The following GLT1D1 variants were observed in gnomAD, a reference collection of about 807,000 sequenced individuals.
GLT1D1 encodes the protein glycosyltransferase 1 domain-containing protein 1.
A neutral mutation model predicts 28.7 loss-of-function variants in GLT1D1; 21 were observed. That is an observed-to-expected ratio of 0.73 (90% confidence interval 0.52 to 1.05). GLT1D1 has a LOEUF of 1.05. Ranked by LOEUF, GLT1D1 falls within the 50% of genes least tolerant of loss-of-function variation. The pLI, the probability that GLT1D1 is intolerant of heterozygous loss-of-function variation, is 0.00. For synonymous variants in GLT1D1, 147 were observed against 124.8 expected, an observed-to-expected ratio of 1.18 and a Z score of -1.19; for missense variants, 343 against 330.6, an observed-to-expected ratio of 1.04 and a Z score of -0.29.
intron 2 of GLT1D1, among the ~76,000 whole-genome samples, chr12:128,878,660 T>G (rs1197787163): frequency 1.4e-4 from 21 of 152,006 alleles, no homozygotes; most frequent in Admixed American, 1.4e-3. Context: ...CAGGCTGGAG[T>G]GCAGTGATAC....
At chr12:128,918,000 C>G (rs1216749793) in intron 4 of GLT1D1, among the ~76,000 whole-genome samples, 1 of 152,178 alleles carries the variant, frequency 6.6e-6, no homozygotes, top group Admixed American at 6.6e-5. Context: ...TATAAAGATA[C>G]ATGCACGTGT....
At chr12:128,941,472 C>A (rs1393998248) in intron 4 of GLT1D1, among the ~76,000 whole-genome samples, 1 of 151,990 alleles carries the variant, frequency 6.6e-6, no homozygotes, top group African/African-American at 2.4e-5. Context: ...CTGAAGGGTT[C>A]TCACTCACCA....
intron 3 of GLT1D1, among the ~76,000 whole-genome samples, chr12:128,890,110 A>G (rs1868867314): frequency 6.6e-6 from 1 of 152,206 alleles, no homozygotes; most frequent in African/African-American, 2.4e-5. Context: ...AAGAAATTCC[A>G]GGCAACTTCA....
At chr12:128,950,032 A>G (rs7131851) in intron 6 of GLT1D1, among the ~76,000 whole-genome samples, 75,461 of 151,816 alleles carry the variant, frequency 0.5, 19,338 homozygotes, top group Non-Finnish European at 0.56. Flanking sequence ...GTGTCACTTT[A>G]ACCTTGACTA....
intron 4 of GLT1D1, among the ~76,000 whole-genome samples, chr12:128,911,085 A>G (rs1252040792): frequency 6.6e-6 from 1 of 152,198 alleles, no homozygotes; most frequent in Non-Finnish European, 1.5e-5. Flanking sequence ...GCATGCCGCC[A>G]CACCCGGCTA....
At chr12:128,972,208 A>G (rs576649697) in intron 7 of GLT1D1, among the ~76,000 whole-genome samples, 4 of 152,272 alleles carry the variant, frequency 2.6e-5, no homozygotes, top group African/African-American at 9.6e-5. Flanking sequence ...ATTGGGAGAC[A>G]TTATTTCTCG....
At position 128,914,913 on chromosome 12, in the gene GLT1D1, T is replaced by G; in HGVS notation, c.375+15626T>G. On this transcript the variant is annotated intron_variant, in intron 4 of 7. Transcript: ENST00000281703. ...GTCGCTTCAAAGTGAACTTGCCCTTTTTTTGTTTCTTTGACCCAGGAATTG... is the reference window on the plus strand; with the variant it reads ...GTCGCTTCAAAGTGAACTTGCCCTTGTTTTGTTTCTTTGACCCAGGAATTG... 1.3e-6 allele frequency: 2 copies of G among 1,534,376 alleles called. No homozygotes were observed. The highest frequency in any genetic ancestry group is 1.7e-6 in the Non-Finnish European group (2 of 1,145,374).
chr12:128,915,038 A>G, intron 4 of GLT1D1, 49 bp downstream of exon 6: 2 of 1,402,518 alleles, frequency 1.4e-6, no homozygotes, highest in Non-Finnish European at 1.9e-6. Flanking sequence ...GCATCTTGTC[A>G]GTTACTTTCA....
chr12:128,923,800 G>A (rs919512416), intron 4 of GLT1D1, among the ~76,000 whole-genome samples: 12 of 152,024 alleles, frequency 7.9e-5, no homozygotes, highest in East Asian at 3.9e-4. Context: ...GATTACAGGC[G>A]TGAGCCACTG....
rs772936243 is a variant in GLT1D1 at position 128,947,474 on chromosome 12, G to C, written c.540+16G>C. The C allele has an allele frequency of 1.9e-6, 3 of 1,613,762 alleles. No homozygotes were observed. In the East Asian group the frequency reaches 6.7e-5, roughly 36 times the overall value. On this transcript the variant is annotated intron_variant, in intron 6 of 7. Transcript: ENST00000281703. The stretch of plus-strand genomic sequence containing the variant: ...AATTTTGGAGGTAATTATGTAACTC[G>C]AGTACTGAAAGTGGGAGTGTGAAAT...
chr12:128,915,513 C>T (rs1008997300), intron 4 of GLT1D1, among the ~76,000 whole-genome samples: 1 of 151,830 alleles, frequency 6.6e-6, no homozygotes, highest in African/African-American at 2.4e-5. Context: ...TACATGCATG[C>T]GCCACCATGC....
intron 5 of GLT1D1, 113 bp downstream of exon 9, chr12:128,945,482 T>C: frequency 1.1e-6 from 1 of 885,862 alleles, no homozygotes; most frequent in Non-Finnish European, 1.9e-6. Flanking sequence ...AGTTTCCAAC[T>C]GTTTCCTCAT....
At chr12:128,885,443 A>G (rs1718511) in intron 2 of GLT1D1, among the ~76,000 whole-genome samples, 146,392 of 152,214 alleles carry the variant, frequency 0.96, 70,654 homozygotes, top group East Asian at 1. Flanking sequence ...GGCTGGTCTC[A>G]AACTCCATAC....
chr12:128,917,757 C>G (rs527744401), intron 4 of GLT1D1, among the ~76,000 whole-genome samples: 13 of 152,270 alleles, frequency 8.5e-5, no homozygotes, highest in Non-Finnish European at 1.5e-5. Flanking sequence ...AAATGCAAAT[C>G]GAAACCACAA....
Position 128,892,412 on chromosome 12 carries a change from T to C in GLT1D1, c.323+3668T>C, listed in dbSNP as rs1228727097. ...TCTTATTGCTGTTGTTCTTTCACTC[T>C]GCAAATTCATTACCTTTAGATTCCT... On this transcript the variant is annotated intron_variant, in intron 3 of 7. Coordinates refer to ENST00000281703, the MANE Select transcript of GLT1D1 (RefSeq NM_144669.3). 3.3e-5 allele frequency among the ~76,000 whole-genome samples: 5 copies of C among 152,266 alleles called. No homozygotes were observed. In the East Asian group the frequency reaches 9.6e-4, roughly 29 times the overall value.
chr12:128,976,219 G>A (rs1293634078), intron 7 of GLT1D1, among the ~76,000 whole-genome samples: 2 of 152,158 alleles, frequency 1.3e-5, no homozygotes, highest in African/African-American at 4.8e-5. Flanking sequence ...AGGCAGGCAC[G>A]GCAGGTTGCC....
At chr12:128,873,393 G>T (rs11059991) in intron 1 of GLT1D1, among the ~76,000 whole-genome samples, 17,240 of 152,168 alleles carry the variant, frequency 0.11, 1,090 homozygotes, top group South Asian at 0.22. Flanking sequence ...AACATGATTA[G>T]GTCCATCTAC....
intron 1 of GLT1D1, among the ~76,000 whole-genome samples, chr12:128,862,093 C>G (rs1303178203): frequency 6.6e-6 from 1 of 152,180 alleles, no homozygotes. Flanking sequence ...TTTTGGGAGG[C>G]TGAGGCAGGC....
intron 4 of GLT1D1, among the ~76,000 whole-genome samples, chr12:128,933,928 G>A (rs974324717): frequency 6.6e-6 from 1 of 152,136 alleles, no homozygotes; most frequent in African/African-American, 2.4e-5. Flanking sequence ...TGGGCGAGAG[G>A]TCAAGTCTTG....
Sources: allele counts gnomAD v4.1 joint callset (sites outside exome capture counted in the v4.1 genomes callset), GRCh38; gene constraint gnomAD v4.1.1; transcripts MANE v1.5; gene names NCBI Gene and HGNC (gene_info 2026-07-23, HGNC 2026-07-21).